FRMD4B: variants seen among roughly 807,000 people sequenced by gnomAD.
FRMD4B encodes the protein FERM domain-containing protein 4B.
Under a neutral mutation model 141.5 loss-of-function variants are expected in FRMD4B, and 74 were observed. The ratio of observed to expected loss-of-function variants is 0.52; its 90% CI spans 0.43 to 0.63. The LOEUF (loss-of-function observed/expected upper bound fraction) is 0.63, where lower values mean the gene tolerates loss of function less well. FRMD4B is among the 30% of genes least tolerant of loss of function. The pLI is 0.00. For missense variants in FRMD4B, 1,366 were observed against 1,253.4 expected, an observed-to-expected ratio of 1.09 and a Z score of -1.36; for synonymous variants, 506 against 467.9, an observed-to-expected ratio of 1.08 and a Z score of -1.05.
chr3:69,182,202 G>C (rs2092715662), intron 20 of FRMD4B, among the ~76,000 whole-genome samples: 2 of 152,196 alleles, frequency 1.3e-5, no homozygotes, highest in South Asian at 4.1e-4. Context: ...TTCCTCCTTT[G>C]TAAGATGAGG....
chr3:69,313,592 TA>T, intron 1 of FRMD4B, 75 bp from the exon 2 acceptor site: 1 of 885,236 alleles, frequency 1.1e-6, no homozygotes, highest in South Asian at 1.5e-5. Context: ...TTGTATCATT[TA>T]TTTTATATGA....
rs2093573063 is a variant in FRMD4B, at chr3:69,267,634, TATAGAGAGAGAGAGAGAGAGAGAGAG to T, written c.502-17561_502-17536del. Among the ~76,000 whole-genome samples, 5 of 10,268 alleles carry T rather than the reference TATAGAGAGAGAGAGAGAGAGAGAGAG, an allele frequency of 4.9e-4. No individual in the cohort carries two copies. In the South Asian group the frequency reaches 7.4e-3, roughly 15 times the overall value. The allele number at this position is 10,268 out of a possible 152,430, so 6.7% of individuals were successfully genotyped here. ...ATATATATATATATATATATATATA[TATAGAGAGAGAGAGAGAGAGAGAGAG>T]AGAGAGAGAGAGAGAGAGAGAGAGA... On this transcript the variant is annotated intron_variant, in intron 5 of 22. Transcript: ENST00000398540.
rs11313220 is a variant in FRMD4B, at chr3:69,203,084, T to TA, written c.877-4311dup. Among the ~76,000 whole-genome samples the TA allele has an allele frequency of 3.1e-3, 427 of 137,460 alleles. 1 individual carries two copies. Among genetic ancestry groups the TA allele is most frequent in the South Asian group, 6.5e-3 (28 of 4,332 alleles). 90.2% of individuals were successfully genotyped at this position (137,460 alleles called of 152,430 possible). On this transcript the variant is annotated intron_variant, in intron 11 of 22. Transcript: ENST00000398540. ...AAATTCCCTTAACCCTAAGATGAAG[T>TA]AAAAAAAAAAAAAAGTGTTGATGGT...
At chr3:69,281,851 A>ATT (rs1559775922) in intron 5 of FRMD4B, among the ~76,000 whole-genome samples, 1 of 148,772 alleles carries the variant, frequency 6.7e-6, no homozygotes, top group African/African-American at 2.5e-5. Flanking sequence ...ATATATATAT[A>ATT]TTTTTGCTTA....
rs781662739 is a variant in FRMD4B, at chr3:69,253,181, C to CTTTTT, written c.502-3083_502-3082insAAAAA. ...AGGGAAATTAGTGAAAATATGATTC[C>CTTTTT]TATTTTTTTTTTTTTTTTTTTTTGC... On this transcript the variant is annotated intron_variant, in intron 5 of 22. Transcript: ENST00000398540. Among the ~76,000 whole-genome samples, 11 of 121,960 alleles carry CTTTTT rather than the reference C, an allele frequency of 9.0e-5. 2 individuals are homozygous for CTTTTT. Among genetic ancestry groups the CTTTTT allele is most frequent in the Non-Finnish European group, 1.0e-4 (6 of 58,808 alleles). 80.0% of individuals were successfully genotyped at this position (121,960 alleles called of 152,430 possible). A position where few individuals can be genotyped will look rare whatever the true frequency, so the allele number is the denominator to read the frequency against.
At chr3:69,218,411 T>A (rs756001014) in intron 9 of FRMD4B, 32 bp from the exon 10 acceptor site, 2 of 1,013,520 alleles carry the variant, frequency 2.0e-6, no homozygotes, top group East Asian at 5.0e-5. Context: ...CACAATCTTA[T>A]TAAAATAGTT....
At chr3:69,455,366 CT>C (rs1388814574) in intron 1 of FRMD4B, among the ~76,000 whole-genome samples, 2 of 152,194 alleles carry the variant, frequency 1.3e-5, no homozygotes, top group African/African-American at 4.8e-5. Flanking sequence ...TCTGCACTGC[CT>C]TTATGAGCTG....
intron 1 of FRMD4B, among the ~76,000 whole-genome samples, chr3:69,341,955 T>G (rs1477381993): frequency 1.3e-5 from 2 of 152,180 alleles, no homozygotes; most frequent in Non-Finnish European, 2.9e-5. Flanking sequence ...CAAAATGGAC[T>G]AAGACAGGCA....
intron 2 of FRMD4B, among the ~76,000 whole-genome samples, chr3:69,406,675 C>T (rs1308431720): frequency 6.6e-6 from 1 of 152,092 alleles, no homozygotes; most frequent in Non-Finnish European, 1.5e-5. Flanking sequence ...GTCTCTATAG[C>T]TGTCAATAAT....
chr3:69,384,634 C>T (rs903631533), intron 1 of FRMD4B, among the ~76,000 whole-genome samples: 2 of 152,190 alleles, frequency 1.3e-5, no homozygotes, highest in African/African-American at 4.8e-5. Context: ...TTTCAGATTC[C>T]ATTTCAAAAT....
chr3:69,392,552 A>G (rs1489715927), intron 2 of FRMD4B, among the ~76,000 whole-genome samples: 2 of 152,208 alleles, frequency 1.3e-5, no homozygotes, highest in African/African-American at 4.8e-5. Flanking sequence ...GCTGCTGTAG[A>G]GTTCTAGGGT....
chr3:69,344,130 C>T (rs992998186), intron 1 of FRMD4B, among the ~76,000 whole-genome samples: 1 of 152,150 alleles, frequency 6.6e-6, no homozygotes, highest in Admixed American at 6.5e-5. Flanking sequence ...GCATCCATTG[C>T]CAAAGATCCT....
chr3:69,224,181 A>G (rs1334182844), intron 8 of FRMD4B, among the ~76,000 whole-genome samples: 1 of 152,222 alleles, frequency 6.6e-6, no homozygotes, highest in East Asian at 1.9e-4. Context: ...CTCAATATAT[A>G]CAATATCTAG....
At chr3:69,386,391 T>G (rs952583657), upstream of FRMD4B, 5 of 167,754 alleles carry the variant, frequency 3.0e-5, no homozygotes, top group African/African-American at 1.2e-4. Context: ...AGAGGGGAGC[T>G]GCATTTCAGC....
chr3:69,221,920 C>A lies in FRMD4B; in HGVS notation c.669G>T (p.Glu223Asp), dbSNP rs757932878. 9.2e-6 allele frequency: 14 copies of A among 1,520,910 alleles called. No homozygotes were observed. The highest frequency in any genetic ancestry group is 1.8e-5 in the Admixed American group (1 of 56,270). 94.2% of individuals were successfully genotyped at this position (1,520,910 alleles called of 1,614,324 possible). The change falls in exon 9 of 23, where the codon GAG becomes GAT. Residue 223 changes from glutamate to aspartate, a missense_variant. By Grantham distance (45) the Glu-to-Asp change is conservative. Transcript: ENST00000398540. ...TCAAATAATGCTCAATTACCCTGTC[C>A]TCACTGTAAAACAAAGAAATGAGAA... ...LQEHPSLAYC[E>D]DRVIEHYLKI...
chr3:69,184,113 T>C (rs1190001195), intron 19 of FRMD4B, among the ~76,000 whole-genome samples: 2 of 151,932 alleles, frequency 1.3e-5, no homozygotes, highest in African/African-American at 2.4e-5. Flanking sequence ...GGTTTCACCA[T>C]GTTGGCCAGG....
At chr3:69,314,967 G>A (rs542376069) in intron 1 of FRMD4B, among the ~76,000 whole-genome samples, 1 of 152,248 alleles carries the variant, frequency 6.6e-6, no homozygotes, top group East Asian at 1.9e-4. Context: ...AGTTCAAGAC[G>A]GTAGTGAGCC....
chr3:69,185,944 A>AG (rs758185218), intron 19 of FRMD4B, among the ~76,000 whole-genome samples: 14 of 151,398 alleles, frequency 9.2e-5, no homozygotes, highest in Non-Finnish European at 1.6e-4. Flanking sequence ...TGGAAGGCTG[A>AG]GGGGGGAGAA....
chr3:69,525,591 T>C (rs1236113708), intron 1 of FRMD4B, among the ~76,000 whole-genome samples: 1 of 152,218 alleles, frequency 6.6e-6, no homozygotes, highest in African/African-American at 2.4e-5. Flanking sequence ...TGCACACTTA[T>C]AGTAGATTCT....
Sources: allele counts gnomAD v4.1 joint callset (sites outside exome capture counted in the v4.1 genomes callset), GRCh38; gene constraint gnomAD v4.1.1; transcripts MANE v1.5; gene names NCBI Gene and HGNC (gene_info 2026-07-23, HGNC 2026-07-21).